SQOR: variants seen among roughly 807,000 people sequenced by gnomAD.
The protein encoded by SQOR is sulfide quinone oxidoreductase.
A neutral mutation model predicts 48.6 loss-of-function variants in SQOR; 39 were observed. That is an observed-to-expected ratio of 0.80 (90% confidence interval 0.62 to 1.05). SQOR has a LOEUF of 1.05. Among genes scored for constraint, SQOR ranks in the 50% least tolerant of loss-of-function variants. The pLI is 0.00. For synonymous variants in SQOR, 220 were observed against 206.2 expected, an observed-to-expected ratio of 1.07 and a Z score of -0.57; for missense variants, 561 against 559.9, an observed-to-expected ratio of 1.00 and a Z score of -0.02.
chr15:45,664,480 G>A (rs1364292590), intron 3 of SQOR, among the ~76,000 whole-genome samples: 1 of 151,728 alleles, frequency 6.6e-6, no homozygotes, highest in Non-Finnish European at 1.5e-5. Flanking sequence ...ACATTTCATG[G>A]TTTCCAGTCC....
chr15:45,688,015 T>G (rs545185469), intron 7 of SQOR, among the ~76,000 whole-genome samples: 1 of 152,288 alleles, frequency 6.6e-6, no homozygotes, highest in Non-Finnish European at 1.5e-5. Context: ...GAACACTGAC[T>G]AAGTGGACAC....
chr15:45,655,435 A>T (rs1230850125), intron 1 of SQOR, among the ~76,000 whole-genome samples: 2 of 152,166 alleles, frequency 1.3e-5, no homozygotes, highest in African/African-American at 4.8e-5. Context: ...ACACCATAAA[A>T]TATCTTCTTC....
upstream of SQOR, among the ~76,000 whole-genome samples, chr15:45,634,026 A>C (rs960636490): frequency 1.3e-5 from 2 of 150,258 alleles, no homozygotes; most frequent in African/African-American, 4.9e-5. Context: ...ACATACAAAA[A>C]TTAGCCGGGC....
intron 4 of SQOR, 147 bp downstream of exon 4, chr15:45,670,128 A>T: frequency 1.4e-6 from 1 of 737,330 alleles, no homozygotes; most frequent in South Asian, 1.7e-5. Flanking sequence ...GTCCTTTTAC[A>T]GTTTTAAGGA....
At chr15:45,681,457 G>A (rs1890126375) in intron 6 of SQOR, among the ~76,000 whole-genome samples, 1 of 152,012 alleles carries the variant, frequency 6.6e-6, no homozygotes, top group African/African-American at 2.4e-5. Context: ...GTTGTAATAA[G>A]TACAAGTCAT....
upstream of SQOR, among the ~76,000 whole-genome samples, chr15:45,634,198 C>CTATATATATATATATATATATGTGTATA (rs1555399807): frequency 2.3e-5 from 1 of 43,844 alleles, no homozygotes; most frequent in African/African-American, 7.3e-5. Flanking sequence ...ACAACAACAA[C>CTATATATATATATATATATATGTGTATA]TATATATATA....
At chr15:45,657,894 G>T (rs980897890) in intron 1 of SQOR, among the ~76,000 whole-genome samples, 129 of 152,290 alleles carry the variant, frequency 8.5e-4, no homozygotes, top group African/African-American at 3.0e-3. Flanking sequence ...TTGACGGTAG[G>T]ATTTGGGGCA....
chr15:45,631,674 T>C (rs1384404753), upstream of SQOR: 1 of 152,324 alleles, frequency 6.6e-6, no homozygotes, highest in East Asian at 1.9e-4. Flanking sequence ...CCATTCTCTA[T>C]TTCCACCCAT....
intron 7 of SQOR, among the ~76,000 whole-genome samples, chr15:45,682,888 C>T (rs950307416): frequency 2.0e-5 from 3 of 151,826 alleles, no homozygotes; most frequent in African/African-American, 7.3e-5. Context: ...ATTAGTCAGG[C>T]GTGTGGTGGG....
At chr15:45,658,717 C>G (rs677413) in intron 1 of SQOR, among the ~76,000 whole-genome samples, 190 bp from the exon 2 acceptor site, 5 of 152,164 alleles carry the variant, frequency 3.3e-5, no homozygotes, top group African/African-American at 7.2e-5. Flanking sequence ...GTGTAGTCAA[C>G]TGATAGCTAC....
At position 45,662,088 on chromosome 15, in the gene SQOR, C is replaced by G. The variant is rs780147586; in HGVS notation, c.368C>G (p.Pro123Arg). The G allele has an allele frequency of 9.9e-6, 16 of 1,614,018 alleles. No homozygotes were observed. In the East Asian group the frequency reaches 3.1e-4, roughly 31 times the overall value. Reference protein sequence around the residue: ...WIKARVTELNPDKNCIHTDDD... With the variant: ...WIKARVTELNRDKNCIHTDDD... ...AAAGCTAGAGTGACTGAGTTGAACC[C>G]AGACAAGAACTGCATTCACACAGAT... is the stretch of plus-strand genomic sequence containing the variant. The change falls in exon 3 of 10, where the codon CCA becomes CGA. Residue 123 changes from proline (P) to arginine (R), a missense_variant. Transcript: ENST00000260324.
At chr15:45,633,599 C>T (rs1045548108), upstream of SQOR, among the ~76,000 whole-genome samples, 40 of 148,952 alleles carry the variant, frequency 2.7e-4, no homozygotes, top group African/African-American at 9.9e-4. Flanking sequence ...GAGGCTGAGG[C>T]AGGAGAATCA....
intron 9 of SQOR, among the ~76,000 whole-genome samples, chr15:45,689,942 A>T (rs1275446235): frequency 1.3e-5 from 2 of 152,206 alleles, no homozygotes; most frequent in African/African-American, 4.8e-5. Flanking sequence ...CTTTGTGTTT[A>T]AATTTCTCAT....
chr15:45,650,551 A>G (rs1566915676), intron 1 of SQOR, among the ~76,000 whole-genome samples: 1 of 150,128 alleles, frequency 6.7e-6, no homozygotes, highest in Non-Finnish European at 1.5e-5. Context: ...AGCATCCACA[A>G]CACGAAAGAG....
chr15:45,662,146 A>AT (rs752032718), intron 3 of SQOR, 21 bp downstream of exon 3: 1 of 1,608,474 alleles, frequency 6.2e-7, no homozygotes, highest in Non-Finnish European at 8.5e-7. Flanking sequence ...AGGCCTTTAG[A>AT]TTTTTTGTTA....
Position 45,662,005 on chromosome 15 carries a change from A to G in SQOR, c.285A>G (p.Gln95=), listed in dbSNP as rs767592938. 1.3e-5 allele frequency: 21 copies of G among 1,614,094 alleles called. No homozygotes were observed. The highest frequency in any genetic ancestry group is 1.6e-4 in the Middle Eastern group (1 of 6,084). The change falls in exon 3 of 10, where the codon CAA becomes CAG. Residue 95 remains glutamine (Q), a synonymous_variant. Transcript: ENST00000260324. ...IWTLVGAGAK[Q]LSSSGRPTAS... is the part of the protein sequence containing the mutation. ...CACTGGTGGGTGCTGGTGCCAAACA[A>G]TTGTCCTCATCTGGTCGTCCCACGG...
intron 5 of SQOR, among the ~76,000 whole-genome samples, chr15:45,675,834 G>A (rs1243206461): frequency 2.0e-5 from 3 of 152,154 alleles, no homozygotes; most frequent in African/African-American, 7.2e-5. Context: ...ACTCTACTCT[G>A]TCTTGACCTG....
At chr15:45,689,899 C>T (rs1890291144) in intron 9 of SQOR, among the ~76,000 whole-genome samples, 1 of 151,990 alleles carries the variant, frequency 6.6e-6, no homozygotes, top group African/African-American at 2.4e-5. Context: ...CTGTGTGTCC[C>T]AGGGAAAGTT....
chr15:45,665,526 A>T lies in SQOR; in HGVS notation c.405+3401A>T, dbSNP rs897058675. The stretch of plus-strand genomic sequence containing the variant: ...TAGAGAGCTTTTTTAGATTGCACAA[A>T]ATTAGTCAACATTTCTTTAGCAAAT... On this transcript the variant is annotated intron_variant, in intron 3 of 9. Coordinates refer to ENST00000260324, the MANE Select transcript of SQOR (RefSeq NM_021199.4). 5.6e-5 allele frequency among the ~76,000 whole-genome samples: 6 copies of T among 108,052 alleles called. No homozygotes were observed. In the South Asian group the frequency reaches 1.1e-3, roughly 20 times the overall value. The allele number at this position is 108,052 out of a possible 152,430, so 70.9% of individuals were successfully genotyped here.
Sources: allele counts gnomAD v4.1 joint callset (sites outside exome capture counted in the v4.1 genomes callset), GRCh38; gene constraint gnomAD v4.1.1; transcripts MANE v1.5; gene names NCBI Gene and HGNC (gene_info 2026-07-23, HGNC 2026-07-21).